The following MBNL3 variants were observed in gnomAD, a reference collection of about 807,000 sequenced individuals.
MBNL3 encodes the protein muscleblind-like protein 3.
In MBNL3, 6 loss-of-function variants were observed where a neutral mutation model predicts 24.5. The observed-to-expected ratio is 0.25, with a 90% CI of 0.13 to 0.48. MBNL3 has a LOEUF of 0.48. Ranked by LOEUF, MBNL3 falls within the 20% of genes least tolerant of loss-of-function variation. The pLI is 0.99. For synonymous variants in MBNL3, 100 were observed against 101.7 expected, an observed-to-expected ratio of 0.98 and a Z score of 0.10; for missense variants, 230 against 293.5, an observed-to-expected ratio of 0.78 and a Z score of 1.58.
chrX:132,433,113 G>T (rs995585457), intron 2 of MBNL3, among the ~76,000 whole-genome samples: 3 of 111,819 alleles, frequency 2.7e-5, no homozygotes, highest in African/African-American at 9.8e-5. Flanking sequence ...AACTACAGAG[G>T]CATGTATGGA....
At position 132,485,916 on chromosome X, in the gene MBNL3, T is replaced by C. The variant is rs993875121; in HGVS notation, c.-704+2935A>G. Among the ~76,000 whole-genome samples, 4 of 112,300 alleles carry C rather than the reference T, an allele frequency of 3.6e-5. No homozygotes were observed. The South Asian group carries it at 1.1e-3, about 31-fold the overall frequency. ...TTGAATGAGGAAAAATCCATCTGTTTTGCCTAGTAGACAATGTCATAAGAA... is the reference window on the plus strand; with the variant it reads ...TTGAATGAGGAAAAATCCATCTGTTCTGCCTAGTAGACAATGTCATAAGAA... On this transcript the variant is annotated intron_variant, in intron 1 of 8. Coordinates refer to ENST00000370853, the MANE Select transcript of MBNL3 (RefSeq NM_001386889.1).
At chrX:132,384,995 TATA>T (rs991879026) in intron 6 of MBNL3, among the ~76,000 whole-genome samples, 3 of 111,654 alleles carry the variant, frequency 2.7e-5, no homozygotes, top group African/African-American at 9.7e-5. Context: ...AAATAATTTT[TATA>T]ATAAGAGAAT....
intron 8 of MBNL3, among the ~76,000 whole-genome samples, chrX:132,380,499 C>A (rs777008627): frequency 2.7e-5 from 3 of 111,196 alleles, no homozygotes; most frequent in Non-Finnish European, 5.7e-5. Context: ...AATGTCCAGT[C>A]GGCTATCTGC....
chrX:132,440,623 A>AT (rs141167671), intron 1 of MBNL3, among the ~76,000 whole-genome samples: 10,749 of 108,218 alleles, frequency 0.099, 577 homozygotes, highest in Non-Finnish European at 0.16. Flanking sequence ...ATCTGAAAAG[A>AT]TTTTTTTTTT....
intron 1 of MBNL3, among the ~76,000 whole-genome samples, chrX:132,476,815 A>C (rs1055937048): frequency 9.0e-6 from 1 of 111,594 alleles, no homozygotes; most frequent in Non-Finnish European, 1.9e-5. Flanking sequence ...CCAGAAGGCT[A>C]ACGTGAAAAA....
At chrX:132,447,920 G>A (rs1420473847) in intron 1 of MBNL3, among the ~76,000 whole-genome samples, 4 of 111,952 alleles carry the variant, frequency 3.6e-5, no homozygotes, top group African/African-American at 1.3e-4. Flanking sequence ...TTTGAGATAT[G>A]TTCCATGAAT....
chrX:132,447,682 A>C (rs1251934120), intron 1 of MBNL3, among the ~76,000 whole-genome samples: 3 of 112,081 alleles, frequency 2.7e-5, no homozygotes, highest in Admixed American at 9.4e-5. Context: ...TAAATATACA[A>C]TCATGTCATC....
intron 1 of MBNL3, among the ~76,000 whole-genome samples, chrX:132,462,857 C>A (rs946499225): frequency 4.5e-5 from 5 of 111,534 alleles, no homozygotes; most frequent in African/African-American, 1.6e-4. Context: ...TGAAACCCAA[C>A]TAAACCAGAC....
chrX:132,382,447 T>C (rs1603037158), intron 7 of MBNL3, among the ~76,000 whole-genome samples, 175 bp from the exon 8 acceptor site: 2 of 111,339 alleles, frequency 1.8e-5, no homozygotes, highest in East Asian at 5.7e-4. Context: ...CAACACAGCA[T>C]GGAAGGGGGG....
At chrX:132,428,607 A>G (rs1944500006) in intron 2 of MBNL3, among the ~76,000 whole-genome samples, 1 of 111,743 alleles carries the variant, frequency 8.9e-6, no homozygotes, top group African/African-American at 3.2e-5. Context: ...AGAAAATAGC[A>G]GACAGCTAAG....
At position 132,376,633 on chromosome X, in the gene MBNL3, A is replaced by G. The variant is rs1385704710; in HGVS notation, c.*3033T>C. 1 of 111,713 alleles carries G rather than the reference A, an allele frequency of 9.0e-6. No homozygotes were observed. The highest frequency in any genetic ancestry group is 3.2e-5 in the African/African-American group (1 of 30,861). The allele number at this position is 111,713 out of a possible 1,213,427, so 9.2% of individuals were successfully genotyped here. The stretch of plus-strand genomic sequence containing the variant: ...ATCATAAGTGATTAGAATTTTATAT[A>G]TACAATTCATCCAGTAAATTTTTGT... On this transcript the variant is annotated 3_prime_UTR_variant, in exon 9 of 9. Coordinates refer to ENST00000370853, the MANE Select transcript of MBNL3 (RefSeq NM_001386889.1).
intron 1 of MBNL3, among the ~76,000 whole-genome samples, chrX:132,463,652 T>C (rs1946744726): frequency 9.0e-6 from 1 of 111,433 alleles, no homozygotes; most frequent in African/African-American, 3.3e-5. Context: ...GCATAGTGGC[T>C]AGTTAAAAAT....
At chrX:132,396,272 T>A (rs1479153295) in intron 3 of MBNL3, among the ~76,000 whole-genome samples, 2 of 102,336 alleles carry the variant, frequency 2.0e-5, no homozygotes, top group African/African-American at 7.1e-5. Flanking sequence ...CTAAATGATT[T>A]CAAAAAATGA....
intron 1 of MBNL3, among the ~76,000 whole-genome samples, chrX:132,451,498 T>C (rs184314020): frequency 3.6e-5 from 4 of 111,624 alleles, no homozygotes; most frequent in African/African-American, 1.3e-4. Context: ...CAAGCCTCAG[T>C]AATGGTGGAC....
intron 1 of MBNL3, among the ~76,000 whole-genome samples, chrX:132,482,133 T>C (rs1461780985): frequency 8.9e-6 from 1 of 112,155 alleles, no homozygotes; most frequent in Non-Finnish European, 1.9e-5. Flanking sequence ...TATAGCCACA[T>C]AGTGGGAATA....
rs766565802 is a variant in MBNL3, at chrX:132,437,562, C to A, written c.177+1873G>T. On this transcript the variant is annotated intron_variant, in intron 2 of 8. Coordinates refer to ENST00000370853, the MANE Select transcript of MBNL3 (RefSeq NM_001386889.1). ...TCTATCTGTTACAGATGAAGTTACT[C>A]AAGGATTGTGAGGTTAAGTTGCCCG... Among the ~76,000 whole-genome samples the A allele has an allele frequency of 8.9e-5, 10 of 111,770 alleles. No homozygotes were observed. In the South Asian group the frequency reaches 3.7e-3, roughly 42 times the overall value.
In MBNL3 at chrX:132,390,944, G is replaced by A. The variant is rs780182461; in HGVS notation, c.674C>T (p.Ser225Leu). The stretch of plus-strand genomic sequence containing the variant: ...ATGAAAGTACTTGCATTTCTCCCGC[G>A]AGCATCGACCTTTGATGTAATCCAT... ...ICMDYIKGRC[S>L]REKCKYFHPP... The change falls in exon 5 of 9, where the codon TCG (serine) becomes TTG (leucine). Residue 225 changes from serine (S) to leucine (L), a missense_variant. Coordinates refer to ENST00000370853, the MANE Select transcript of MBNL3 (RefSeq NM_001386889.1). 16 of 1,209,041 alleles carry A rather than the reference G, an allele frequency of 1.3e-5. No individual in the cohort carries two copies. Among genetic ancestry groups the A allele is most frequent in the Middle Eastern group, 2.3e-4 (1 of 4,372 alleles).
intron 2 of MBNL3, among the ~76,000 whole-genome samples, chrX:132,433,342 A>G (rs776734396): frequency 8.9e-6 from 1 of 112,207 alleles, no homozygotes; most frequent in Non-Finnish European, 1.9e-5. Context: ...ATAACCAATC[A>G]GTGACAAAAT....
intron 2 of MBNL3, chrX:132,411,388 A>G (rs1382150540): frequency 3.9e-5 from 29 of 752,439 alleles, no homozygotes; most frequent in Non-Finnish European, 4.1e-5. Context: ...ACTGGGCTCA[A>G]CAATCACACT....
Sources: gnomAD v4.1 joint callset for allele counts (sites outside exome capture counted in the v4.1 genomes callset) on GRCh38, gnomAD v4.1.1 for gene constraint, MANE v1.5 for transcripts, NCBI Gene and HGNC (gene_info 2026-07-23, HGNC 2026-07-21) for gene names.